Variants in SORCS2 observed in about 807,000 individuals in gnomAD.
SORCS2 encodes the protein VPS10 domain-containing receptor SorCS2.
A neutral mutation model predicts 141.6 loss-of-function variants in SORCS2; 100 were observed. That is an observed-to-expected ratio of 0.71 (90% CI 0.60 to 0.83). SORCS2 has a LOEUF of 0.83. Among genes scored for constraint, SORCS2 ranks in the 40% least tolerant of loss-of-function variants. SORCS2 has a pLI of 0.00. For synonymous variants in SORCS2, 789 were observed against 676.9 expected (o/e 1.17, Z -2.57); for missense variants, 1,646 against 1,560.2 (o/e 1.05, Z -0.93).
intron 2 of SORCS2, among the ~76,000 whole-genome samples, chr4:7,426,903 G>C (rs972231875): frequency 2.5e-4 from 38 of 152,200 alleles, no homozygotes; most frequent in Non-Finnish European, 1.2e-4. Context: ...TGCTGAGCGG[G>C]GCCTGAACCC....
intron 1 of SORCS2, among the ~76,000 whole-genome samples, chr4:7,226,438 C>T (rs979866218): frequency 7.2e-5 from 11 of 152,104 alleles, no homozygotes; most frequent in Non-Finnish European, 1.2e-4. Flanking sequence ...AGCTCACGGT[C>T]AGTGCCGTTC....
chr4:7,620,187 C>T (rs1350116912), intron 3 of SORCS2, among the ~76,000 whole-genome samples: 1 of 152,176 alleles, frequency 6.6e-6, no homozygotes. Context: ...GGGATTCTTA[C>T]AGGTTTCCCT....
chr4:7,300,360 G>C lies in SORCS2; in HGVS notation c.481-95928G>C, dbSNP rs532445269. On this transcript the variant is annotated intron_variant, in intron 1 of 26. Coordinates refer to ENST00000507866, the MANE Select transcript of SORCS2 (RefSeq NM_020777.3). Reference sequence around the variant, plus strand: ...TGGGAACCCAGCAGAGTCCAGGGCAGAGAGAAAAAGCGAAGGACTTCCGTG... The same window carrying C: ...TGGGAACCCAGCAGAGTCCAGGGCACAGAGAAAAAGCGAAGGACTTCCGTG... Among the ~76,000 whole-genome samples the C allele has an allele frequency of 1.3e-4, 20 of 152,276 alleles. No homozygotes were observed. The South Asian group carries it at 3.7e-3, about 28-fold the overall frequency.
intron 1 of SORCS2, among the ~76,000 whole-genome samples, chr4:7,248,481 G>A (rs917642427): frequency 1.6e-4 from 24 of 152,314 alleles, no homozygotes; most frequent in Middle Eastern, 3.4e-3. Context: ...TTCCGTGCCA[G>A]TGTCCTGTGA....
chr4:7,555,510 C>T (rs1714041340), intron 3 of SORCS2, among the ~76,000 whole-genome samples: 1 of 152,246 alleles, frequency 6.6e-6, no homozygotes, highest in Non-Finnish European at 1.5e-5. Context: ...CTCTCTACCC[C>T]ACACCCACAA....
chr4:7,384,640 C>T (rs1288629088), intron 1 of SORCS2, among the ~76,000 whole-genome samples: 1 of 152,248 alleles, frequency 6.6e-6, no homozygotes, highest in Admixed American at 6.5e-5. Flanking sequence ...CGTCCGGCTC[C>T]ACCCAAGACC....
chr4:7,324,115 G>A (rs1052197168), intron 1 of SORCS2, among the ~76,000 whole-genome samples: 2 of 152,202 alleles, frequency 1.3e-5, no homozygotes. Context: ...AGCAGGTGGC[G>A]GGGCTGGGAT....
intron 1 of SORCS2, among the ~76,000 whole-genome samples, chr4:7,394,602 G>A (rs1045781909): frequency 6.6e-6 from 1 of 151,930 alleles, no homozygotes; most frequent in Non-Finnish European, 1.5e-5. Flanking sequence ...TGAGGGGGTG[G>A]ACTGGTGGGG....
intron 2 of SORCS2, among the ~76,000 whole-genome samples, chr4:7,407,334 A>G (rs949956916): frequency 5.3e-5 from 8 of 151,968 alleles, no homozygotes; most frequent in Admixed American, 1.3e-4. Flanking sequence ...AGATTTATTA[A>G]TGTTTGCTTT....
chr4:7,536,837 G>T (rs1188868027), intron 3 of SORCS2, among the ~76,000 whole-genome samples: 1 of 38,830 alleles, frequency 2.6e-5, no homozygotes, highest in African/African-American at 4.0e-5. Context: ...AGATGTGGGG[G>T]GGGGGGGCGG....
intron 2 of SORCS2, among the ~76,000 whole-genome samples, chr4:7,402,886 T>A (rs1270540203): frequency 1.3e-5 from 2 of 152,062 alleles, no homozygotes; most frequent in East Asian, 3.9e-4. Flanking sequence ...TCATATCTCG[T>A]GCCTGTCTTT....
In SORCS2 at chr4:7,638,327, G is replaced by A; in HGVS notation, c.649-1G>A. ...GCCTCACAACCCGCTTTGTGTTTCA[G>A]GTCATCCTTGTCAGCTCCTCACTCA... On this transcript the variant is annotated splice_acceptor_variant, in intron 3 of 26. Transcript: ENST00000507866. LOFTEE classifies it high-confidence loss of function. The A allele has an allele frequency of 6.7e-7, 1 of 1,502,014 alleles. No individual in the cohort carries two copies. The allele number at this position is 1,502,014 out of a possible 1,614,324, so 93.0% of individuals were successfully genotyped here. A position where few individuals can be genotyped will look rare whatever the true frequency, so the allele number is the denominator to read the frequency against.
At chr4:7,487,908 T>C (rs2109392342) in intron 2 of SORCS2, among the ~76,000 whole-genome samples, 1 of 152,218 alleles carries the variant, frequency 6.6e-6, no homozygotes, top group East Asian at 1.9e-4. Context: ...TTTGTAGACA[T>C]CAGGCATAGC....
intron 4 of SORCS2, among the ~76,000 whole-genome samples, chr4:7,642,966 A>G (rs78778592): frequency 0.042 from 6,345 of 152,310 alleles, 456 homozygotes; most frequent in African/African-American, 0.14. Flanking sequence ...TGACAAGCCC[A>G]GAGTCAATGG....
rs369197155 is a variant in SORCS2 at position 7,396,280 on chromosome 4, C to T, written c.481-8C>T. On this transcript the variant is annotated splice_polypyrimidine_tract_variant and splice_region_variant and intron_variant, in intron 1 of 26. Coordinates refer to ENST00000507866, the MANE Select transcript of SORCS2 (RefSeq NM_020777.3). ...ATTTCTGCCTTTTACTTTCTGTTAA[C>T]ACCACAGGTGATCTTGATCCTGACG... is the stretch of plus-strand genomic sequence containing the variant. 1.2e-5 allele frequency: 20 copies of T among 1,613,726 alleles called. No homozygotes were observed. In the African/African-American group the frequency reaches 2.4e-4, roughly 19 times the overall value.
intron 7 of SORCS2, among the ~76,000 whole-genome samples, chr4:7,666,280 A>G (rs944848477): frequency 3.9e-5 from 6 of 152,036 alleles, no homozygotes; most frequent in African/African-American, 1.4e-4. Context: ...CGTTCTGCAC[A>G]AGGTCACAGA....
chr4:7,727,010 G>A, intron 21 of SORCS2, 107 bp downstream of exon 21: 1 of 1,392,662 alleles, frequency 7.2e-7, no homozygotes, highest in Non-Finnish European at 9.6e-7. Flanking sequence ...GTCACCCTGA[G>A]TGGCCCTGGG....
intron 18 of SORCS2, among the ~76,000 whole-genome samples, chr4:7,719,120 T>A (rs901731714): frequency 6.6e-6 from 1 of 152,216 alleles, no homozygotes; most frequent in Non-Finnish European, 1.5e-5. Flanking sequence ...GGCTCTCCGG[T>A]GAACAGTACG....
rs762596289 is a variant in SORCS2, at chr4:7,621,428, TGA to T, written c.649-16898_649-16897del. Among the ~76,000 whole-genome samples, 72 of 134,388 alleles carry T rather than the reference TGA, an allele frequency of 5.4e-4. 1 individual carries two copies. Among genetic ancestry groups the T allele is most frequent in the South Asian group, 2.4e-3 (10 of 4,158 alleles). 88.2% of individuals were successfully genotyped at this position (134,388 alleles called of 152,430 possible). On this transcript the variant is annotated intron_variant, in intron 3 of 26. Transcript: ENST00000507866. ...CTGTGTGCATGTTTGTGTGTGTGTG[TGA>T]GTGTGTGTCTATGTGTGTGTCTGTG...
Sources: allele counts gnomAD v4.1 joint callset (sites outside exome capture counted in the v4.1 genomes callset), GRCh38; gene constraint gnomAD v4.1.1; transcripts MANE v1.5; gene names NCBI Gene and HGNC (gene_info 2026-07-23, HGNC 2026-07-21).